The following FSIP1 variants were observed in gnomAD, a reference collection of about 807,000 sequenced individuals.
FSIP1 encodes the protein fibrous sheath-interacting protein 1.
A neutral mutation model predicts 60.9 loss-of-function variants in FSIP1; 65 were observed. The observed-to-expected ratio is 1.07, with a 90% CI of 0.87 to 1.31. The LOEUF (loss-of-function observed/expected upper bound fraction) is 1.31, where lower values mean the gene tolerates loss of function less well. Ranked by LOEUF, FSIP1 falls within the 40% of genes most tolerant of loss-of-function variation. The pLI is 0.00. For missense variants in FSIP1, 675 were observed against 665.5 expected, an observed-to-expected ratio of 1.01 and a Z score of -0.16; for synonymous variants, 209 against 221.2, an observed-to-expected ratio of 0.94 and a Z score of 0.49.
intron 10 of FSIP1, among the ~76,000 whole-genome samples, chr15:39,690,362 A>G (rs1393356239): frequency 6.6e-6 from 1 of 152,222 alleles, no homozygotes; most frequent in Non-Finnish European, 1.5e-5. Flanking sequence ...TTAATGTGGT[A>G]AGACAGAGAT....
intron 11 of FSIP1, among the ~76,000 whole-genome samples, chr15:39,606,551 C>T (rs1438525938): frequency 6.6e-6 from 1 of 152,126 alleles, no homozygotes; most frequent in Non-Finnish European, 1.5e-5. Context: ...ACTATTAGAA[C>T]TTATTCCTCC....
Position 39,674,055 on chromosome 15 carries a change from A to AT in FSIP1, c.1188+39388dup, listed in dbSNP as rs532939228. Among the ~76,000 whole-genome samples the AT allele has an allele frequency of 7.7e-3, 1,109 of 144,368 alleles. 10 individuals are homozygous for AT. The highest frequency in any genetic ancestry group is 0.011 in the Non-Finnish European group (748 of 65,512). The allele number at this position is 144,368 out of a possible 152,430, so 94.7% of individuals were successfully genotyped here. On this transcript the variant is annotated intron_variant, in intron 10 of 11. Transcript: ENST00000350221. ...AACATCCTTAACCCGACCCGATTTA[A>AT]TTTTTTTTTTTTTTTCTGAGACAGA...
At position 39,618,125 on chromosome 15, in the gene FSIP1, C is replaced by A. The variant is rs765219996; in HGVS notation, c.1309G>T (p.Val437Leu). Residue 437 changes from valine (V) to leucine (L), a missense_variant, in exon 11 of 12, where the codon GTA becomes TTA. Coordinates refer to ENST00000350221, the MANE Select transcript of FSIP1 (RefSeq NM_152597.5). Reference sequence around the variant, plus strand: ...GAAAGCTGGGGGAACACAGGTGTTACGTCCTCAATGTCTTCCTTTTTTCTT... The same window carrying A: ...GAAAGCTGGGGGAACACAGGTGTTAAGTCCTCAATGTCTTCCTTTTTTCTT... ...SERKKEDIED[V>L]TPVFPQLSRS... 1.2e-6 allele frequency: 2 copies of A among 1,614,172 alleles called. No individual in the cohort carries two copies. The highest frequency in any genetic ancestry group is 1.7e-6 in the Non-Finnish European group (2 of 1,180,018).
intron 10 of FSIP1, among the ~76,000 whole-genome samples, chr15:39,642,934 G>A (rs1892437469): frequency 6.6e-6 from 1 of 152,162 alleles, no homozygotes; most frequent in East Asian, 1.9e-4. Context: ...GTTTTAGAGA[G>A]AAAATAAAAT....
At chr15:39,647,438 G>A (rs1892665397) in intron 10 of FSIP1, among the ~76,000 whole-genome samples, 1 of 152,028 alleles carries the variant, frequency 6.6e-6, no homozygotes, top group South Asian at 2.1e-4. Context: ...AAAGCCCTGT[G>A]GATGCATCAT....
At chr15:39,726,152 T>C (rs1464221023) in intron 9 of FSIP1, among the ~76,000 whole-genome samples, 3 of 152,146 alleles carry the variant, frequency 2.0e-5, no homozygotes, top group African/African-American at 2.4e-5. Context: ...AAAACTCTCA[T>C]AGGAGAGAAG....
intron 10 of FSIP1, among the ~76,000 whole-genome samples, chr15:39,641,699 A>T (rs1380270855): frequency 1.3e-5 from 2 of 152,136 alleles, no homozygotes; most frequent in Non-Finnish European, 2.9e-5. Context: ...TCTGGTTGCC[A>T]CTTTACCATT....
chr15:39,766,124 T>A (rs926624937), intron 3 of FSIP1, among the ~76,000 whole-genome samples: 2 of 152,228 alleles, frequency 1.3e-5, no homozygotes, highest in African/African-American at 4.8e-5. Flanking sequence ...AAGACAAGAA[T>A]CCTGTCCTAA....
chr15:39,741,962 A>C, intron 5 of FSIP1, 62 bp from the exon 6 acceptor site: 1 of 893,912 alleles, frequency 1.1e-6, no homozygotes. Context: ...TTGTCTACAA[A>C]ATTGTTTTAA....
At chr15:39,652,893 A>C (rs558658989) in intron 10 of FSIP1, among the ~76,000 whole-genome samples, 3 of 151,960 alleles carry the variant, frequency 2.0e-5, no homozygotes, top group Non-Finnish European at 4.4e-5. Flanking sequence ...AACGGTATGC[A>C]GGCTGAATAC....
intron 10 of FSIP1, among the ~76,000 whole-genome samples, chr15:39,635,615 C>T (rs955190475): frequency 2.6e-5 from 4 of 152,036 alleles, no homozygotes; most frequent in Non-Finnish European, 4.4e-5. Flanking sequence ...TTAAATCAAG[C>T]CTCCATTTGC....
intron 11 of FSIP1, among the ~76,000 whole-genome samples, chr15:39,603,194 G>A (rs1345448341): frequency 6.6e-6 from 1 of 152,238 alleles, no homozygotes; most frequent in East Asian, 1.9e-4. Flanking sequence ...CTCATGAAAT[G>A]TTTGTGGGGT....
chr15:39,652,914 G>A (rs995092323), intron 10 of FSIP1, among the ~76,000 whole-genome samples: 2 of 152,096 alleles, frequency 1.3e-5, no homozygotes, highest in African/African-American at 4.8e-5. Context: ...AGTGGCTCAT[G>A]CCTGTAATCC....
chr15:39,715,989 GAACCGCGAGCCAATTA>G (rs1895723365), intron 9 of FSIP1, among the ~76,000 whole-genome samples: 1 of 152,188 alleles, frequency 6.6e-6, no homozygotes, highest in Non-Finnish European at 1.5e-5. Context: ...ACAGCCTGCA[GAACCGCGAGCCAATTA>G]AACCTCTTTT....
chr15:39,682,389 A>G (rs944888140), intron 10 of FSIP1, among the ~76,000 whole-genome samples: 4 of 152,124 alleles, frequency 2.6e-5, no homozygotes, highest in Non-Finnish European at 2.9e-5. Flanking sequence ...ATAAAACCCC[A>G]CACATTTGCT....
At chr15:39,681,578 T>A (rs1032805529) in intron 10 of FSIP1, among the ~76,000 whole-genome samples, 1 of 152,174 alleles carries the variant, frequency 6.6e-6, no homozygotes, top group Middle Eastern at 3.2e-3. Flanking sequence ...TACCAATTTT[T>A]AAAAATCTAT....
intron 10 of FSIP1, among the ~76,000 whole-genome samples, chr15:39,706,408 G>A (rs887348110): frequency 3.3e-5 from 5 of 152,136 alleles, no homozygotes; most frequent in African/African-American, 1.2e-4. Context: ...CCTAACGGGT[G>A]TATATAGTTC....
At chr15:39,752,866 A>G (rs1038184132) in intron 5 of FSIP1, among the ~76,000 whole-genome samples, 3 of 152,028 alleles carry the variant, frequency 2.0e-5, no homozygotes, top group African/African-American at 7.2e-5. Context: ...GGGGGTGGGT[A>G]TAGGGGAAAT....
intron 11 of FSIP1, 32 bp from the exon 12 acceptor site, chr15:39,600,958 G>C (rs376302906): frequency 1.7e-4 from 270 of 1,551,312 alleles, no homozygotes; most frequent in Non-Finnish European, 2.3e-4. Context: ...ACAGTTATTA[G>C]AGATTCAGAA....
Sources: gnomAD v4.1 joint callset for allele counts (sites outside exome capture counted in the v4.1 genomes callset) on GRCh38, gnomAD v4.1.1 for gene constraint, MANE v1.5 for transcripts, NCBI Gene and HGNC (gene_info 2026-07-23, HGNC 2026-07-21) for gene names.